CSTL1: variants seen among roughly 807,000 people sequenced by gnomAD.
CSTL1 encodes the protein cystatin-like 1.
CSTL1 carries 14 observed loss-of-function variants against 14.4 expected under a neutral mutation model. The observed-to-expected ratio is 0.97, with a 90% CI of 0.64 to 1.52. The LOEUF is 1.52. Ranked by LOEUF, CSTL1 falls within the 40% of genes most tolerant of loss-of-function variation. CSTL1 has a pLI of 0.00. For synonymous variants in CSTL1, 72 were observed against 67.5 expected, an observed-to-expected ratio of 1.07 and a Z score of -0.33; for missense variants, 170 against 168.7, an observed-to-expected ratio of 1.01 and a Z score of -0.04.
the CSTL1 span, among the ~76,000 whole-genome samples, chr20:23,457,396 GTTC>G: frequency 6.6e-6 from 1 of 152,030 alleles, no homozygotes; most frequent in Non-Finnish European, 1.5e-5. Flanking sequence ...AAAATTTTAC[GTTC>G]TTCTCTGGCA....
At chr20:23,450,643 G>A in the CSTL1 span, 2 of 1,383,786 alleles carry the variant, frequency 1.4e-6, no homozygotes, top group Admixed American at 1.8e-5. Flanking sequence ...AAATTTAAAA[G>A]GAGAAGGAAG....
rs1233178066 is a variant in CSTL1 at position 23,444,004 on chromosome 20, G to A, written c.290G>A (p.Ser97Asn). 3 of 1,614,166 alleles carry A rather than the reference G, an allele frequency of 1.9e-6. No homozygotes were observed. Among genetic ancestry groups the A allele is most frequent in the Admixed American group, 1.7e-5 (1 of 60,034 alleles). The change falls in exon 3 of 4, where the codon AGC (serine) becomes AAC (asparagine). Residue 97 changes from serine (S) to asparagine (N), a missense_variant. Transcript: ENST00000347397. ...GWTKCKRNDTSNSSCPLQSKK... is the reference protein window; with the variant it reads ...GWTKCKRNDTNNSSCPLQSKK... ...ACCAAATGCAAGAGGAATGACACGA[G>A]CAATTCTTCCTGCCCCCTGCAAAGC... is the stretch of plus-strand genomic sequence containing the variant.
intron 2 of CSTL1, among the ~76,000 whole-genome samples, chr20:23,442,900 C>T (rs1027232407): frequency 1.1e-4 from 17 of 152,174 alleles, no homozygotes; most frequent in African/African-American, 3.1e-4. Flanking sequence ...GCTCAGAACC[C>T]GACAGGGAAC....
downstream of CSTL1, among the ~76,000 whole-genome samples, chr20:23,446,960 CA>C (rs552713818): frequency 3.9e-5 from 6 of 152,274 alleles, no homozygotes; most frequent in East Asian, 1.2e-3. Flanking sequence ...AAAAACCCCA[CA>C]AAAACAACCT....
chr20:23,449,333 C>T (rs1987027248), downstream of CSTL1, among the ~76,000 whole-genome samples: 1 of 152,158 alleles, frequency 6.6e-6, no homozygotes, highest in African/African-American at 2.4e-5. Flanking sequence ...GGGAACTGAA[C>T]TGTTGGATAA....
the CSTL1 span, among the ~76,000 whole-genome samples, chr20:23,452,254 G>T: frequency 1.4e-4 from 22 of 152,066 alleles, no homozygotes; most frequent in South Asian, 1.9e-3. Flanking sequence ...TGTGGTCTCT[G>T]TAACTACTCA....
intron 3 of CSTL1, 144 bp downstream of exon 3, chr20:23,444,188 C>G: frequency 1.5e-6 from 1 of 678,064 alleles, no homozygotes; most frequent in Non-Finnish European, 2.6e-6. Context: ...CCTGAGGCAC[C>G]TGGGTGAAGG....
rs184354923 is a variant in CSTL1 at position 23,439,761 on chromosome 20, C to T, written c.-170C>T. 1 of 164,172 alleles carries T rather than the reference C, an allele frequency of 6.1e-6. No homozygotes were observed. The highest frequency in any genetic ancestry group is 1.7e-4 in the East Asian group (1 of 5,910). 10.2% of individuals were successfully genotyped at this position (164,172 alleles called of 1,614,324 possible). ...GGAGAACGTGTCTGTAAAGGAAGCACAGGGAACAGGTGGTGGCTTTGTAAG... is the reference window on the plus strand; with the variant it reads ...GGAGAACGTGTCTGTAAAGGAAGCATAGGGAACAGGTGGTGGCTTTGTAAG... On this transcript the variant is annotated 5_prime_UTR_variant, in exon 1 of 4. Coordinates refer to ENST00000347397, the MANE Select transcript of CSTL1 (RefSeq NM_138283.1).
chr20:23,446,654 A>G (rs1986973392), downstream of CSTL1, among the ~76,000 whole-genome samples: 1 of 152,176 alleles, frequency 6.6e-6, no homozygotes, highest in South Asian at 2.1e-4. Context: ...TGGCTGCTTA[A>G]ATAAGACCTG....
downstream of CSTL1, among the ~76,000 whole-genome samples, chr20:23,445,885 C>A (rs1231775879): frequency 6.6e-6 from 1 of 151,992 alleles, no homozygotes; most frequent in African/African-American, 2.4e-5. Context: ...AGGTGCATGG[C>A]GCTAGGTCAG....
downstream of CSTL1, among the ~76,000 whole-genome samples, chr20:23,446,096 G>A (rs778764288): frequency 6.6e-6 from 1 of 152,208 alleles, no homozygotes. Flanking sequence ...CCAGAGGATA[G>A]CAGGGGTTCA....
chr20:23,452,542 G>T, the CSTL1 span: 1 of 1,285,124 alleles, frequency 7.8e-7, no homozygotes, highest in Non-Finnish European at 1.1e-6. Flanking sequence ...ACCCGATGTG[G>T]GCGTATCAGG....
the CSTL1 span, among the ~76,000 whole-genome samples, chr20:23,450,825 G>C: frequency 6.6e-6 from 1 of 152,136 alleles, no homozygotes; most frequent in Non-Finnish European, 1.5e-5. Flanking sequence ...TGTCTGCGCA[G>C]CCCATATTCA....
At position 23,444,020 on chromosome 20, in the gene CSTL1, C is replaced by G. The variant is rs140956112; in HGVS notation, c.306C>G (p.Pro102=). The part of the protein sequence containing the change: ...KRNDTSNSSC[P]LQSKKLRKSL... The stretch of plus-strand genomic sequence containing the variant: ...ATGACACGAGCAATTCTTCCTGCCC[C>G]CTGCAAAGCAAGAAGCTGAGAAAGG... Residue 102 remains proline (P), a synonymous_variant, in exon 3 of 4, where the codon CCC becomes CCG. Coordinates refer to ENST00000347397, the MANE Select transcript of CSTL1 (RefSeq NM_138283.1). 1 of 1,614,030 alleles carries G rather than the reference C, an allele frequency of 6.2e-7. No homozygotes were observed. The highest frequency in any genetic ancestry group is 8.5e-7 in the Non-Finnish European group (1 of 1,179,866).
At chr20:23,455,401 T>G in the CSTL1 span, among the ~76,000 whole-genome samples, 1 of 152,200 alleles carries the variant, frequency 6.6e-6, no homozygotes, top group South Asian at 2.1e-4. Context: ...ATTTATGAAA[T>G]TTTGTTTTTT....
intron 2 of CSTL1, among the ~76,000 whole-genome samples, chr20:23,442,105 A>C (rs1205254171): frequency 6.6e-6 from 1 of 152,262 alleles, no homozygotes; most frequent in African/African-American, 2.4e-5. Flanking sequence ...CCATTAAGTT[A>C]GCTGTTAAGG....
intron 2 of CSTL1, chr20:23,442,496 A>G (rs1986857471): frequency 6.6e-6 from 1 of 152,266 alleles, no homozygotes; most frequent in South Asian, 2.1e-4. Flanking sequence ...AAATAAGTCT[A>G]ATAACGAATA....
chr20:23,444,641 C>A, intron 3 of CSTL1, 130 bp from the exon 4 acceptor site: 1 of 637,466 alleles, frequency 1.6e-6, no homozygotes. Flanking sequence ...CTACCCTTGA[C>A]TGTGGGCAGC....
At chr20:23,440,561 G>A (rs547397051) in intron 2 of CSTL1, 75 bp downstream of exon 2, 7 of 1,133,754 alleles carry the variant, frequency 6.2e-6, no homozygotes, top group Non-Finnish European at 9.4e-6. Flanking sequence ...TTCTGGGGTA[G>A]CTCCCAAGAG....
Sources: allele counts gnomAD v4.1 joint callset (sites outside exome capture counted in the v4.1 genomes callset), GRCh38; gene constraint gnomAD v4.1.1; transcripts MANE v1.5; gene names NCBI Gene and HGNC (gene_info 2026-07-23, HGNC 2026-07-21).